SGCD: variants seen among roughly 807,000 people sequenced by gnomAD.
The protein encoded by SGCD is sarcoglycan delta.
A neutral mutation model predicts 36.6 loss-of-function variants in SGCD; 18 were observed. That is an observed-to-expected ratio of 0.49 (90% CI 0.34 to 0.73). The LOEUF (loss-of-function observed/expected upper bound fraction) is 0.73, where lower values mean the gene tolerates loss of function less well. Among genes scored for constraint, SGCD ranks in the 30% least tolerant of loss-of-function variants. The pLI is 0.01. For missense variants in SGCD, 387 were observed against 346.7 expected (o/e 1.12, Z -0.92); for synonymous variants, 133 against 130.6 (o/e 1.02, Z -0.12).
At chr5:156,015,809 C>T (rs1461608629) in intron 1 of SGCD, among the ~76,000 whole-genome samples, 1 of 150,770 alleles carries the variant, frequency 6.6e-6, no homozygotes, top group East Asian at 1.9e-4. Flanking sequence ...CACACACACA[C>T]ACACACACAG....
chr5:156,592,064 A>G (rs374994944), intron 5 of SGCD, among the ~76,000 whole-genome samples: 1 of 152,268 alleles, frequency 6.6e-6, no homozygotes, highest in East Asian at 1.9e-4. Flanking sequence ...CATACTTTCT[A>G]TACTGCTATA....
At chr5:155,763,912 CT>C in the SGCD span, among the ~76,000 whole-genome samples, 3 of 148,986 alleles carry the variant, frequency 2.0e-5, no homozygotes. Flanking sequence ...TGTAGACAGA[CT>C]TTTTTCTTCT....
the SGCD span, among the ~76,000 whole-genome samples, chr5:155,790,395 G>T: frequency 6.6e-6 from 1 of 151,846 alleles, no homozygotes; most frequent in Non-Finnish European, 1.5e-5. Flanking sequence ...ATAATTTTTT[G>T]GTTCTTTGTT....
At chr5:156,645,235 CAGT>C (rs1364813189) in intron 6 of SGCD, among the ~76,000 whole-genome samples, 1 of 151,970 alleles carries the variant, frequency 6.6e-6, no homozygotes, top group Non-Finnish European at 1.5e-5. Context: ...AAGAGGGAAT[CAGT>C]AGGTATGGTT....
intron 3 of SGCD, among the ~76,000 whole-genome samples, chr5:156,166,898 C>T (rs10866716): frequency 0.56 from 85,685 of 151,972 alleles, 25,568 homozygotes; most frequent in East Asian, 0.94. Flanking sequence ...ACCTGCGGGG[C>T]GAAGACAGCC....
chr5:155,976,791 A>G lies in SGCD; in HGVS notation c.-282+106367A>G, dbSNP rs1290821072. Reference sequence around the variant, plus strand: ...CATCCTGGACACCGCCTTTTACCTGATGCCACATTTTCATCAATGATGAAA... The same window carrying G: ...CATCCTGGACACCGCCTTTTACCTGGTGCCACATTTTCATCAATGATGAAA... On this transcript the variant is annotated intron_variant, in intron 1 of 9. Coordinates refer to the SGCD transcript ENST00000517913. Among the ~76,000 whole-genome samples the G allele has an allele frequency of 2.0e-5, 3 of 152,002 alleles. No homozygotes were observed. In the East Asian group the frequency reaches 5.8e-4, roughly 29 times the overall value.
the SGCD span, among the ~76,000 whole-genome samples, chr5:155,777,978 G>T: frequency 1.3e-5 from 2 of 152,080 alleles, no homozygotes; most frequent in African/African-American, 2.4e-5. Context: ...TATACCTATT[G>T]CTCTAGAGAG....
chr5:155,976,886 A>G (rs34532809), intron 1 of SGCD, among the ~76,000 whole-genome samples: 3,344 of 152,112 alleles, frequency 0.022, 59 homozygotes, highest in Middle Eastern at 0.072. Flanking sequence ...CTGAGTTACC[A>G]TTGTCTTTCA....
At chr5:156,058,653 A>T (rs1760124104) in intron 1 of SGCD, among the ~76,000 whole-genome samples, 1 of 146,748 alleles carries the variant, frequency 6.8e-6, no homozygotes, top group South Asian at 2.1e-4. Context: ...TGGAAATATG[A>T]ATGTTAAATA....
At chr5:156,323,837 T>C (rs1476442145), upstream of SGCD, among the ~76,000 whole-genome samples, 1 of 151,940 alleles carries the variant, frequency 6.6e-6, no homozygotes, top group Admixed American at 6.6e-5. Flanking sequence ...AATAAAAAGG[T>C]GTAATAGGAA....
intron 4 of SGCD, among the ~76,000 whole-genome samples, chr5:156,571,304 C>T (rs1759714685): frequency 6.6e-6 from 1 of 152,202 alleles, no homozygotes; most frequent in Admixed American, 6.5e-5. Flanking sequence ...CCTGGGCCTC[C>T]CAAAGTGCTG....
At chr5:155,831,723 A>G in the SGCD span, among the ~76,000 whole-genome samples, 4 of 152,184 alleles carry the variant, frequency 2.6e-5, no homozygotes, top group South Asian at 2.1e-4. Flanking sequence ...TTGTACTGCA[A>G]TCGGGTCTGA....
At chr5:155,951,861 C>T (rs1376509094) in intron 1 of SGCD, among the ~76,000 whole-genome samples, 1 of 152,132 alleles carries the variant, frequency 6.6e-6, no homozygotes, top group Non-Finnish European at 1.5e-5. Context: ...ACACAAGGCA[C>T]AGGCCTTAGT....
At chr5:156,550,088 CAG>C (rs1183433964) in intron 4 of SGCD, among the ~76,000 whole-genome samples, 1 of 152,136 alleles carries the variant, frequency 6.6e-6, no homozygotes, top group Non-Finnish European at 1.5e-5. Context: ...AGCTGACACA[CAG>C]AGGGGGAAAG....
At chr5:156,416,156 T>C (rs1410151492) in intron 3 of SGCD, among the ~76,000 whole-genome samples, 1 of 152,200 alleles carries the variant, frequency 6.6e-6, no homozygotes, top group African/African-American at 2.4e-5. Context: ...GGAAATGTAG[T>C]ATATATGTTC....
intron 1 of SGCD, among the ~76,000 whole-genome samples, chr5:155,938,493 C>T (rs192096992): frequency 9.2e-5 from 14 of 152,286 alleles, no homozygotes; most frequent in African/African-American, 3.1e-4. Flanking sequence ...CATTAATCAC[C>T]CTGTCCTTTT....
At chr5:156,196,367 G>A (rs1030600517) in intron 3 of SGCD, among the ~76,000 whole-genome samples, 1 of 152,134 alleles carries the variant, frequency 6.6e-6, no homozygotes, top group Non-Finnish European at 1.5e-5. Context: ...CATACCAAAT[G>A]CAGCCTTACA....
At chr5:156,620,681 A>G (rs1018359659) in intron 6 of SGCD, among the ~76,000 whole-genome samples, 1 of 152,218 alleles carries the variant, frequency 6.6e-6, no homozygotes, top group African/African-American at 2.4e-5. Context: ...AACAGGGACT[A>G]TGGTGTGACA....
intron 4 of SGCD, among the ~76,000 whole-genome samples, chr5:156,540,835 A>G (rs1758321876): frequency 1.3e-5 from 2 of 152,164 alleles, no homozygotes; most frequent in African/African-American, 4.8e-5. Context: ...ACAAAGATGT[A>G]TTGGGCATCC....
Sources: gnomAD v4.1 joint callset for allele counts (sites outside exome capture counted in the v4.1 genomes callset) on GRCh38, gnomAD v4.1.1 for gene constraint, MANE v1.5 for transcripts, NCBI Gene and HGNC (gene_info 2026-07-23, HGNC 2026-07-21) for gene names.